SNTB1: variants seen among roughly 807,000 people sequenced by gnomAD.
SNTB1 encodes the protein beta-1-syntrophin.
Under a neutral mutation model 48.9 loss-of-function variants are expected in SNTB1, and 36 were observed. That is an observed-to-expected ratio of 0.74 (90% confidence interval 0.56 to 0.97). The LOEUF (loss-of-function observed/expected upper bound fraction) is 0.97. Ranked by LOEUF, SNTB1 falls within the 50% of genes least tolerant of loss-of-function variation. The probability of loss-of-function intolerance (pLI) is 0.00; values close to 1 mark genes in which losing one functional copy is unlikely to be tolerated. For synonymous variants in SNTB1, 299 were observed against 294.6 expected, an observed-to-expected ratio of 1.01 and a Z score of -0.15; for missense variants, 786 against 703.4, an observed-to-expected ratio of 1.12 and a Z score of -1.33.
chr8:120,803,522 G>C (rs186967948), intron 1 of SNTB1, among the ~76,000 whole-genome samples: 1 of 152,166 alleles, frequency 6.6e-6, no homozygotes, highest in Non-Finnish European at 1.5e-5. Flanking sequence ...ATTTGAAATG[G>C]AACGCTTAGT....
At chr8:120,798,711 T>G (rs1037311527) in intron 1 of SNTB1, among the ~76,000 whole-genome samples, 25 of 152,058 alleles carry the variant, frequency 1.6e-4, no homozygotes, top group Non-Finnish European at 3.2e-4. Context: ...GCCCAAAATA[T>G]TGTCTTGCAA....
intron 1 of SNTB1, among the ~76,000 whole-genome samples, chr8:120,795,572 C>T (rs531214258): frequency 6.6e-6 from 1 of 152,144 alleles, no homozygotes; most frequent in South Asian, 2.1e-4. Flanking sequence ...ATTTCATACA[C>T]TCCCTATTAA....
chr8:120,549,549 A>G (rs1815443632), intron 4 of SNTB1, among the ~76,000 whole-genome samples: 1 of 152,228 alleles, frequency 6.6e-6, no homozygotes, highest in Admixed American at 6.5e-5. Context: ...ATGGAACTGC[A>G]CTTTAGGGGA....
chr8:120,644,779 A>G (rs1817256482), intron 2 of SNTB1, among the ~76,000 whole-genome samples: 2 of 148,946 alleles, frequency 1.3e-5, no homozygotes, highest in African/African-American at 4.9e-5. Context: ...AGTTCCACCA[A>G]CAGTGTAAAA....
chr8:120,740,088 G>A (rs1488229929), intron 1 of SNTB1, among the ~76,000 whole-genome samples: 1 of 152,168 alleles, frequency 6.6e-6, no homozygotes, highest in Non-Finnish European at 1.5e-5. Context: ...TTTTGCCAGA[G>A]GGTGGATACT....
chr8:120,629,557 T>C (rs1816944799), intron 3 of SNTB1, among the ~76,000 whole-genome samples: 1 of 152,228 alleles, frequency 6.6e-6, no homozygotes, highest in Admixed American at 6.5e-5. Flanking sequence ...ATATTTGTGA[T>C]ACTATAAGAA....
At chr8:120,559,233 G>C (rs965184072) in intron 4 of SNTB1, among the ~76,000 whole-genome samples, 1 of 152,126 alleles carries the variant, frequency 6.6e-6, no homozygotes, top group African/African-American at 2.4e-5. Flanking sequence ...TTCTTCTTTT[G>C]AATCTATCTT....
At chr8:120,600,660 A>G (rs1400887138) in intron 3 of SNTB1, among the ~76,000 whole-genome samples, 2 of 152,136 alleles carry the variant, frequency 1.3e-5, no homozygotes, top group Non-Finnish European at 2.9e-5. Flanking sequence ...TAATTTATCT[A>G]TAATCTATCT....
intron 2 of SNTB1, among the ~76,000 whole-genome samples, chr8:120,650,388 A>G (rs78313776): frequency 0.24 from 36,676 of 152,062 alleles, 4,602 homozygotes; most frequent in Middle Eastern, 0.32. Flanking sequence ...AAACTTTGGC[A>G]TGGAAAAAGT....
intron 2 of SNTB1, among the ~76,000 whole-genome samples, chr8:120,688,946 A>G (rs1331503926): frequency 6.6e-6 from 1 of 152,104 alleles, no homozygotes; most frequent in Non-Finnish European, 1.5e-5. Flanking sequence ...TAAGAAACAT[A>G]CCCAAATACT....
chr8:120,707,425 T>C (rs1286060227), intron 1 of SNTB1, among the ~76,000 whole-genome samples: 3 of 152,146 alleles, frequency 2.0e-5, no homozygotes, highest in African/African-American at 7.2e-5. Flanking sequence ...TTCCTAAGAA[T>C]TACATCAGGA....
chr8:120,701,706 C>T (rs59065802), intron 1 of SNTB1, among the ~76,000 whole-genome samples: 3,197 of 152,206 alleles, frequency 0.021, 103 homozygotes, highest in African/African-American at 0.072. Context: ...ATTCAGTTAC[C>T]AATATTTATT....
In SNTB1 at chr8:120,568,318, G is replaced by A. The variant is rs566220079; in HGVS notation, c.1136+6768C>T. On this transcript the variant is annotated intron_variant, in intron 4 of 6. Coordinates refer to ENST00000517992, the MANE Select transcript of SNTB1 (RefSeq NM_021021.4). ...GGAAGCTCAGCCTGGAGCTGCAAAG[G>A]GGCTACATCTCCCTGGCATCATCCC... 7.2e-5 allele frequency among the ~76,000 whole-genome samples: 11 copies of A among 152,190 alleles called. No individual in the cohort carries two copies. The East Asian group carries it at 2.1e-3, about 29-fold the overall frequency.
Position 120,632,440 on chromosome 8 carries a change from T to C in SNTB1, c.996+4A>G. On this transcript the variant is annotated splice_donor_region_variant and intron_variant, in intron 3 of 6. Coordinates refer to ENST00000517992, the MANE Select transcript of SNTB1 (RefSeq NM_021021.4). Reference sequence around the variant, plus strand: ...ACTATTACAGAGGAAGGTATTTTCCTTACCTTTTCTGCAAGCCAGCCAAGA... The same window carrying C: ...ACTATTACAGAGGAAGGTATTTTCCCTACCTTTTCTGCAAGCCAGCCAAGA... The C allele has an allele frequency of 6.2e-7, 1 of 1,613,102 alleles. No homozygotes were observed. The highest frequency in any genetic ancestry group is 1.1e-5 in the South Asian group (1 of 91,032).
At chr8:120,738,526 T>C (rs558124812) in intron 1 of SNTB1, among the ~76,000 whole-genome samples, 2 of 149,942 alleles carry the variant, frequency 1.3e-5, no homozygotes, top group Admixed American at 1.3e-4. Context: ...TCTACCTACC[T>C]ACCTCCCTTC....
At chr8:120,658,010 A>C (rs547853868) in intron 2 of SNTB1, among the ~76,000 whole-genome samples, 19 of 152,370 alleles carry the variant, frequency 1.2e-4, no homozygotes, top group Middle Eastern at 3.4e-3. Flanking sequence ...TAGTATGTGA[A>C]GTTAGCAGTG....
At chr8:120,676,440 C>G (rs1817835417) in intron 2 of SNTB1, among the ~76,000 whole-genome samples, 1 of 152,180 alleles carries the variant, frequency 6.6e-6, no homozygotes, top group Admixed American at 6.5e-5. Flanking sequence ...CACAAAGAGA[C>G]AGGATTCAAA....
chr8:120,661,072 A>T (rs1271843692), intron 2 of SNTB1, among the ~76,000 whole-genome samples: 1 of 152,192 alleles, frequency 6.6e-6, no homozygotes, highest in East Asian at 1.9e-4. Context: ...AATAATGAGA[A>T]TGTATGAATT....
chr8:120,607,717 T>C (rs1429269714), intron 3 of SNTB1, among the ~76,000 whole-genome samples: 1 of 152,192 alleles, frequency 6.6e-6, no homozygotes, highest in Non-Finnish European at 1.5e-5. Context: ...GTGTTGATGC[T>C]ATGGCCCAGC....
Sources: allele counts gnomAD v4.1 joint callset (sites outside exome capture counted in the v4.1 genomes callset), GRCh38; gene constraint gnomAD v4.1.1; transcripts MANE v1.5; gene names NCBI Gene and HGNC (gene_info 2026-07-23, HGNC 2026-07-21).